The following CLYBL variants were observed in gnomAD, a reference collection of about 807,000 sequenced individuals.
CLYBL encodes citramalyl-CoA lyase.
A neutral mutation model predicts 38.9 loss-of-function variants in CLYBL; 31 were observed. The observed-to-expected ratio is 0.80, with a 90% CI of 0.60 to 1.08. CLYBL has a LOEUF of 1.08. Among genes scored for constraint, CLYBL ranks in the 50% least tolerant of loss-of-function variants. CLYBL has a pLI of 0.00. For missense variants in CLYBL, 434 were observed against 411.6 expected (o/e 1.05, Z -0.47); for synonymous variants, 171 against 158.6 (o/e 1.08, Z -0.59).
chr13:99,617,970 G>A (rs1305752151), intron 1 of CLYBL, among the ~76,000 whole-genome samples: 1 of 152,076 alleles, frequency 6.6e-6, no homozygotes, highest in Non-Finnish European at 1.5e-5. Flanking sequence ...GCACTACCCT[G>A]TCCCCTTACT....
chr13:99,746,300 C>A (rs990123994), intron 1 of CLYBL, among the ~76,000 whole-genome samples: 9 of 151,244 alleles, frequency 6.0e-5, no homozygotes, highest in African/African-American at 2.2e-4. Context: ...TTCACATTTG[C>A]TCAGTTACCT....
chr13:99,693,037 A>G (rs1196336228), intron 1 of CLYBL, among the ~76,000 whole-genome samples: 1 of 152,098 alleles, frequency 6.6e-6, no homozygotes, highest in Non-Finnish European at 1.5e-5. Context: ...ATTTGTGTAC[A>G]AGTTTTTGGT....
chr13:99,628,501 G>A (rs1863762668), intron 1 of CLYBL, among the ~76,000 whole-genome samples: 1 of 152,180 alleles, frequency 6.6e-6, no homozygotes, highest in African/African-American at 2.4e-5. Flanking sequence ...CCTTTCCCTG[G>A]TGGCTCCTCA....
intron 1 of CLYBL, among the ~76,000 whole-genome samples, chr13:99,623,062 A>G (rs963901049): frequency 1.3e-5 from 2 of 152,190 alleles, no homozygotes; most frequent in African/African-American, 4.8e-5. Context: ...GGTGATTGTG[A>G]CTAGTGCTGC....
At chr13:99,685,759 C>T (rs936978436) in intron 1 of CLYBL, among the ~76,000 whole-genome samples, 30 of 151,948 alleles carry the variant, frequency 2.0e-4, no homozygotes, top group African/African-American at 7.0e-4. Context: ...GTCAGGAGTT[C>T]GAGACCAGCC....
At chr13:99,752,792 A>C (rs1398490782) in intron 1 of CLYBL, among the ~76,000 whole-genome samples, 3 of 151,930 alleles carry the variant, frequency 2.0e-5, no homozygotes, top group African/African-American at 7.3e-5. Context: ...GCCTCTCCCT[A>C]GCTTTCAAAG....
intron 2 of CLYBL, among the ~76,000 whole-genome samples, chr13:99,802,846 T>C (rs956390986): frequency 6.6e-6 from 1 of 152,236 alleles, no homozygotes; most frequent in Non-Finnish European, 1.5e-5. Context: ...ATATTCTACA[T>C]GTGCTATATG....
chr13:99,899,038 T>G (rs2052613423), downstream of CLYBL, among the ~76,000 whole-genome samples: 1 of 152,194 alleles, frequency 6.6e-6, no homozygotes, highest in Non-Finnish European at 1.5e-5. Context: ...ACTAATGGGT[T>G]AGGTTACGTG....
At chr13:99,690,253 C>T (rs910426556) in intron 1 of CLYBL, 1 of 152,220 alleles carries the variant, frequency 6.6e-6, no homozygotes, top group East Asian at 1.9e-4. Flanking sequence ...CAGGCGGGCT[C>T]CTTCCGGGGT....
chr13:99,851,570 C>T (rs1278620188), intron 2 of CLYBL, among the ~76,000 whole-genome samples: 1 of 152,042 alleles, frequency 6.6e-6, no homozygotes, highest in Non-Finnish European at 1.5e-5. Context: ...CCAATAAGCA[C>T]ATGAAAGGAT....
intron 2 of CLYBL, among the ~76,000 whole-genome samples, chr13:99,815,221 G>C (rs1201457239): frequency 2.0e-5 from 3 of 152,096 alleles, no homozygotes; most frequent in Admixed American, 6.5e-5. Flanking sequence ...ATCAAATCCG[G>C]GAAAGGAGCT....
intron 2 of CLYBL, among the ~76,000 whole-genome samples, chr13:99,851,674 C>T (rs1255157678): frequency 6.6e-6 from 1 of 152,126 alleles, no homozygotes; most frequent in Non-Finnish European, 1.5e-5. Flanking sequence ...ATAAGAAAGA[C>T]ATGTGGTAGT....
chr13:99,694,911 A>G (rs1309571570), intron 1 of CLYBL, among the ~76,000 whole-genome samples: 1 of 152,112 alleles, frequency 6.6e-6, no homozygotes, highest in Non-Finnish European at 1.5e-5. Context: ...GTTGGGGGAA[A>G]GAACTCCTCA....
At chr13:99,799,631 T>C (rs7335678) in intron 2 of CLYBL, among the ~76,000 whole-genome samples, 126,736 of 152,146 alleles carry the variant, frequency 0.83, 53,373 homozygotes, top group African/African-American at 0.95. Context: ...CAAGTCATCA[T>C]GTGGGCTTCA....
intron 2 of CLYBL, among the ~76,000 whole-genome samples, chr13:99,837,331 C>T (rs2050962431): frequency 6.6e-6 from 1 of 152,068 alleles, no homozygotes; most frequent in South Asian, 2.1e-4. Context: ...ACACCTGTAC[C>T]CTCAACTAAT....
intron 2 of CLYBL, among the ~76,000 whole-genome samples, chr13:99,858,064 C>A (rs1486992130): frequency 6.6e-6 from 1 of 152,154 alleles, no homozygotes; most frequent in Non-Finnish European, 1.5e-5. Flanking sequence ...TCTCCCCAAC[C>A]CCACCTTCAT....
chr13:99,688,249 G>A (rs2047847055), intron 1 of CLYBL, among the ~76,000 whole-genome samples: 2 of 151,770 alleles, frequency 1.3e-5, no homozygotes, highest in African/African-American at 4.8e-5. Flanking sequence ...TTCCAGATCT[G>A]TGTAACAGAC....
At position 99,676,182 on chromosome 13, in the gene CLYBL, GTCCGTCCTTCCTTCCTTCCTTCCT is replaced by G. The variant is rs201469776; in HGVS notation, c.62+69429_62+69452del. 6.8e-4 allele frequency among the ~76,000 whole-genome samples: 58 copies of G among 84,810 alleles called. No homozygotes were observed. The East Asian group carries it at 0.018, about 26-fold the overall frequency. The allele number at this position is 84,810 out of a possible 152,430, so 55.6% of individuals were successfully genotyped here. A position where few individuals can be genotyped will look rare whatever the true frequency, so the allele number is the denominator to read the frequency against. On this transcript the variant is annotated intron_variant, in intron 1 of 8. Coordinates refer to ENST00000339105, the MANE Select transcript of CLYBL (RefSeq NM_206808.5). The stretch of plus-strand genomic sequence containing the variant: ...CAGACTGGCTTCCTTCCTTCCCTCC[GTCCGTCCTTCCTTCCTTCCTTCCT>G]TCCTTCCTTCCTTCCTTCCTTCCTT...
intron 2 of CLYBL, among the ~76,000 whole-genome samples, chr13:99,848,090 C>T (rs118114729): frequency 0.017 from 2,652 of 152,216 alleles, 46 homozygotes; most frequent in Admixed American, 0.054. Flanking sequence ...TGTCCTTTGC[C>T]CATTTCTGGC....
Sources: allele counts gnomAD v4.1 joint callset (sites outside exome capture counted in the v4.1 genomes callset), GRCh38; gene constraint gnomAD v4.1.1; transcripts MANE v1.5; gene names NCBI Gene and HGNC (gene_info 2026-07-23, HGNC 2026-07-21).